Variants in STAC observed in about 807,000 individuals in gnomAD.
STAC encodes SH3 and cysteine-rich domain-containing protein.
Under a neutral mutation model 48.8 loss-of-function variants are expected in STAC, and 43 were observed. The ratio of observed to expected loss-of-function variants is 0.88; its 90% confidence interval spans 0.69 to 1.14. The LOEUF (loss-of-function observed/expected upper bound fraction) is 1.14, where lower values mean the gene tolerates loss of function less well. Among genes scored for constraint, STAC ranks in the 50% most tolerant of loss-of-function variants. The probability of loss-of-function intolerance (pLI) is 0.00; values close to 1 mark genes in which losing one functional copy is unlikely to be tolerated. For missense variants in STAC, 497 were observed against 504.0 expected, an observed-to-expected ratio of 0.99 and a Z score of 0.13; for synonymous variants, 193 against 179.5, an observed-to-expected ratio of 1.07 and a Z score of -0.60.
At chr3:36,517,420 C>A (rs1698699545) in intron 8 of STAC, among the ~76,000 whole-genome samples, 1 of 152,186 alleles carries the variant, frequency 6.6e-6, no homozygotes, top group South Asian at 2.1e-4. Context: ...GAGGCCAACG[C>A]AGGTGTATTG....
chr3:36,515,012 T>C (rs1302176510), intron 8 of STAC, among the ~76,000 whole-genome samples: 1 of 151,674 alleles, frequency 6.6e-6, no homozygotes, highest in African/African-American at 2.4e-5. Flanking sequence ...CCCTCCAGCC[T>C]GGGTGACAGA....
At chr3:36,495,640 C>A (rs1433497720) in intron 6 of STAC, among the ~76,000 whole-genome samples, 3 of 152,242 alleles carry the variant, frequency 2.0e-5, no homozygotes, top group Non-Finnish European at 4.4e-5. Flanking sequence ...CTCACCAATT[C>A]CTTGAGGAGT....
rs1699449820 is a variant in STAC at position 36,546,456 on chromosome 3, G to A, written c.*167G>A. ...TGTGGAGTAATAGCCACAAAACAGA[G>A]GGCCCACTGCACAGCATATCCAGGC... is the stretch of plus-strand genomic sequence containing the variant. On this transcript the variant is annotated 3_prime_UTR_variant, in exon 11 of 11. Coordinates refer to ENST00000273183, the MANE Select transcript of STAC (RefSeq NM_003149.3). The A allele has an allele frequency of 3.2e-6, 2 of 624,630 alleles. No individual in the cohort carries two copies. Among genetic ancestry groups the A allele is most frequent in the Non-Finnish European group, 5.6e-6 (2 of 356,280 alleles). 38.7% of individuals were successfully genotyped at this position (624,630 alleles called of 1,614,324 possible). A position where few individuals can be genotyped will look rare whatever the true frequency, so the allele number is the denominator to read the frequency against.
intron 1 of STAC, among the ~76,000 whole-genome samples, chr3:36,438,420 T>C (rs1696221501): frequency 6.6e-6 from 1 of 152,230 alleles, no homozygotes; most frequent in Non-Finnish European, 1.5e-5. Flanking sequence ...CTAATCATTT[T>C]GTAACATCTG....
intron 5 of STAC, among the ~76,000 whole-genome samples, chr3:36,486,654 T>C (rs1394968877): frequency 6.6e-6 from 1 of 152,196 alleles, no homozygotes; most frequent in Non-Finnish European, 1.5e-5. Flanking sequence ...GACACAGCTA[T>C]TTCTCACATC....
At chr3:36,461,538 T>C (rs901918795) in intron 2 of STAC, among the ~76,000 whole-genome samples, 7 of 152,026 alleles carry the variant, frequency 4.6e-5, no homozygotes, top group Admixed American at 1.3e-4. Context: ...AGGTGATTGA[T>C]GATAGGTAGA....
chr3:36,389,665 T>C (rs1351907442), intron 1 of STAC, among the ~76,000 whole-genome samples: 1 of 152,190 alleles, frequency 6.6e-6, no homozygotes, highest in Non-Finnish European at 1.5e-5. Flanking sequence ...CCATTTCTTA[T>C]CCATTAGTAA....
At chr3:36,519,598 T>G (rs1388923112) in intron 8 of STAC, among the ~76,000 whole-genome samples, 8 of 152,208 alleles carry the variant, frequency 5.3e-5, no homozygotes, top group African/African-American at 1.9e-4. Flanking sequence ...TTATTTTAAG[T>G]GCATTAGGTT....
At chr3:36,469,758 ATTTT>A (rs531197765) in intron 2 of STAC, among the ~76,000 whole-genome samples, 3 of 148,320 alleles carry the variant, frequency 2.0e-5, no homozygotes, top group Non-Finnish European at 4.5e-5. Context: ...GTCTTTGTTC[ATTTT>A]TTTTTTATTT....
chr3:36,514,834 A>C (rs561049875), intron 8 of STAC, among the ~76,000 whole-genome samples: 2 of 152,252 alleles, frequency 1.3e-5, no homozygotes, highest in African/African-American at 2.4e-5. Flanking sequence ...CAGGAGTTGG[A>C]GACCAGTCTG....
intron 7 of STAC, 130 bp from the exon 8 acceptor site, chr3:36,505,616 G>C (rs1369280787): frequency 1.7e-6 from 1 of 582,866 alleles, no homozygotes; most frequent in African/African-American, 2.0e-5. Flanking sequence ...TTTAATAATG[G>C]TTAGATAACA....
chr3:36,462,741 G>A (rs976281157), intron 2 of STAC, among the ~76,000 whole-genome samples: 1 of 152,166 alleles, frequency 6.6e-6, no homozygotes, highest in Admixed American at 6.5e-5. Flanking sequence ...TTAGCCAAGT[G>A]GATCATGGTG....
chr3:36,477,571 T>C (rs1458416559), intron 2 of STAC, among the ~76,000 whole-genome samples: 1 of 152,188 alleles, frequency 6.6e-6, no homozygotes, highest in Non-Finnish European at 1.5e-5. Flanking sequence ...CCAACATTTA[T>C]GTACAGATGT....
chr3:36,492,332 A>G (rs1698009782), intron 5 of STAC, among the ~76,000 whole-genome samples: 1 of 152,036 alleles, frequency 6.6e-6, no homozygotes, highest in African/African-American at 2.4e-5. Flanking sequence ...ACACCAATGA[A>G]TAAAGCACAA....
intron 2 of STAC, among the ~76,000 whole-genome samples, chr3:36,473,348 G>A (rs1276397922): frequency 1.3e-5 from 2 of 152,146 alleles, no homozygotes; most frequent in African/African-American, 4.8e-5. Flanking sequence ...CTGATCACAG[G>A]TGACATACCT....
At chr3:36,528,790 T>C (rs368545283) in intron 9 of STAC, 43 bp downstream of exon 9, 3 of 1,600,460 alleles carry the variant, frequency 1.9e-6, no homozygotes, top group African/African-American at 2.7e-5. Context: ...GAAAATCATT[T>C]GGTAACTATT....
chr3:36,442,838 A>G (rs1274025178), intron 1 of STAC, among the ~76,000 whole-genome samples: 1 of 150,092 alleles, frequency 6.7e-6, no homozygotes, highest in Non-Finnish European at 1.5e-5. Flanking sequence ...ACCCAAGCAG[A>G]CTTGAGAGTT....
Position 36,448,747 on chromosome 3 carries a change from T to G in STAC, c.388+5107T>G, listed in dbSNP as rs187119507. ...GACAGATGATACTGTGAGGCAGAGT[T>G]CAAAACACTAAAAAGAGGAGTTTCT... On this transcript the variant is annotated intron_variant, in intron 2 of 10. Transcript: ENST00000273183. 6.6e-5 allele frequency among the ~76,000 whole-genome samples: 10 copies of G among 152,052 alleles called. No individual in the cohort carries two copies. In the East Asian group the frequency reaches 1.9e-3, roughly 29 times the overall value.
At chr3:36,482,638 C>T (rs78434471) in intron 2 of STAC, among the ~76,000 whole-genome samples, 2,587 of 152,146 alleles carry the variant, frequency 0.017, 24 homozygotes, top group Non-Finnish European at 0.021. Context: ...CATCAAATTT[C>T]GGGACTTGCA....
Sources: allele counts gnomAD v4.1 joint callset (sites outside exome capture counted in the v4.1 genomes callset), GRCh38; gene constraint gnomAD v4.1.1; transcripts MANE v1.5; gene names NCBI Gene and HGNC (gene_info 2026-07-23, HGNC 2026-07-21).